The following CDH12 variants were observed in gnomAD, a reference collection of about 807,000 sequenced individuals.
The protein encoded by CDH12 is cadherin-12.
Under a neutral mutation model 74.1 loss-of-function variants are expected in CDH12, and 41 were observed. The observed-to-expected ratio is 0.55, with a 90% CI of 0.43 to 0.72. CDH12 has a LOEUF of 0.72. Ranked by LOEUF, CDH12 falls within the 30% of genes least tolerant of loss-of-function variation. The pLI is 0.00. For missense variants in CDH12, 945 were observed against 977.2 expected, an observed-to-expected ratio of 0.97 and a Z score of 0.44; for synonymous variants, 399 against 355.0, an observed-to-expected ratio of 1.12 and a Z score of -1.39.
chr5:22,086,682 CT>C (rs1188025074), intron 4 of CDH12, among the ~76,000 whole-genome samples: 1 of 149,658 alleles, frequency 6.7e-6, no homozygotes, highest in East Asian at 1.9e-4. Flanking sequence ...ATGAAAATGG[CT>C]GCTACTAGTT....
intron 1 of CDH12, among the ~76,000 whole-genome samples, chr5:22,732,128 A>G (rs900554169): frequency 1.3e-5 from 2 of 151,820 alleles, no homozygotes; most frequent in African/African-American, 2.4e-5. Context: ...TCTGGAGACT[A>G]GAAGTCTGAG....
intron 4 of CDH12, among the ~76,000 whole-genome samples, chr5:22,085,412 T>C (rs1415700585): frequency 2.0e-5 from 3 of 152,190 alleles, no homozygotes; most frequent in African/African-American, 4.8e-5. Context: ...GGACAACTTA[T>C]TAAGCTGAAA....
At chr5:21,849,479 T>C (rs561792021) in intron 7 of CDH12, among the ~76,000 whole-genome samples, 7 of 151,880 alleles carry the variant, frequency 4.6e-5, no homozygotes, top group Admixed American at 6.6e-5. Flanking sequence ...ATATGTGCTG[T>C]TTTATCTTAA....
At position 22,182,035 on chromosome 5, in the gene CDH12, C is replaced by T. The variant is rs536845255; in HGVS notation, c.-187+30463G>A. 2.0e-5 allele frequency among the ~76,000 whole-genome samples: 3 copies of T among 152,182 alleles called. No individual in the cohort carries two copies. The East Asian group carries it at 5.8e-4, about 29-fold the overall frequency. On this transcript the variant is annotated intron_variant, in intron 4 of 14. Transcript: ENST00000382254. ...TTTTCAGTCTGTTTTCTAAGTATAT[C>T]ACTCCCCCACTCCATCTTTAAGCCC...
Position 22,641,125 on chromosome 5 carries a change from C to T in CDH12, c.-522-135761G>A, listed in dbSNP as rs552085636. On this transcript the variant is annotated intron_variant, in intron 1 of 14. Transcript: ENST00000382254. Reference sequence around the variant, plus strand: ...GAGGATATTTAGGGAAATTGACTCACTTGATTATGGAGGCTGAGAAGTCCT... The same window carrying T: ...GAGGATATTTAGGGAAATTGACTCATTTGATTATGGAGGCTGAGAAGTCCT... 3.9e-5 allele frequency among the ~76,000 whole-genome samples: 6 copies of T among 152,212 alleles called. No homozygotes were observed. The East Asian group carries it at 1.2e-3, about 30-fold the overall frequency.
At chr5:22,720,337 C>G (rs757385382) in intron 1 of CDH12, among the ~76,000 whole-genome samples, 3 of 152,278 alleles carry the variant, frequency 2.0e-5, no homozygotes, top group Middle Eastern at 3.4e-3. Flanking sequence ...GAAGAAGACA[C>G]TTGCTTCTCC....
intron 5 of CDH12, among the ~76,000 whole-genome samples, chr5:22,056,115 G>A (rs980962389): frequency 3.9e-5 from 6 of 151,988 alleles, no homozygotes; most frequent in African/African-American, 7.2e-5. Context: ...TATATAAAAT[G>A]AGTAAATGTT....
At chr5:22,404,203 A>AT (rs1056413521) in intron 3 of CDH12, among the ~76,000 whole-genome samples, 3 of 150,934 alleles carry the variant, frequency 2.0e-5, no homozygotes, top group South Asian at 2.1e-4. Context: ...CACACACACA[A>AT]TTTTTTTTTG....
intron 3 of CDH12, among the ~76,000 whole-genome samples, chr5:22,253,005 A>G (rs1242212946): frequency 6.6e-6 from 1 of 151,992 alleles, no homozygotes. Flanking sequence ...TCCATTTGTT[A>G]TCTCTTGTGA....
At chr5:22,076,062 G>T (rs894604352) in intron 5 of CDH12, among the ~76,000 whole-genome samples, 4 of 152,032 alleles carry the variant, frequency 2.6e-5, no homozygotes, top group Non-Finnish European at 5.9e-5. Flanking sequence ...TGATGGAAAA[G>T]AAACCTTGGC....
intron 3 of CDH12, among the ~76,000 whole-genome samples, chr5:22,229,705 C>T (rs952143153): frequency 9.2e-5 from 14 of 152,014 alleles, no homozygotes; most frequent in African/African-American, 3.4e-4. Context: ...TGATTTACCT[C>T]AAATTTCATG....
chr5:22,488,951 A>G (rs1746724952), intron 2 of CDH12, among the ~76,000 whole-genome samples: 1 of 150,638 alleles, frequency 6.6e-6, no homozygotes, highest in Non-Finnish European at 1.5e-5. Flanking sequence ...CTATGCTTGC[A>G]TGTCTTAAAT....
chr5:22,483,369 C>A (rs1207218358), intron 2 of CDH12, among the ~76,000 whole-genome samples: 1 of 151,868 alleles, frequency 6.6e-6, no homozygotes, highest in South Asian at 2.1e-4. Context: ...TTATTGAATA[C>A]CTACACTATG....
rs193180850 is a variant in CDH12, at chr5:22,310,199, G to A, written c.-333+95058C>T. On this transcript the variant is annotated intron_variant, in intron 3 of 14. Transcript: ENST00000382254. ...CAACAGGCCAAGCGCGGTGGTTCACGCCTGTATTCCCTGCACTTTGGGAGG... is the reference window on the plus strand; with the variant it reads ...CAACAGGCCAAGCGCGGTGGTTCACACCTGTATTCCCTGCACTTTGGGAGG... 5.3e-4 allele frequency among the ~76,000 whole-genome samples: 81 copies of A among 152,102 alleles called. 1 individual carries two copies. The highest frequency in any genetic ancestry group is 1.9e-3 in the African/African-American group (79 of 41,500).
chr5:21,867,596 G>A (rs1173222682), intron 6 of CDH12, among the ~76,000 whole-genome samples: 1 of 152,142 alleles, frequency 6.6e-6, no homozygotes, highest in African/African-American at 2.4e-5. Flanking sequence ...ACTTGCTTGG[G>A]GCCTGTAGCC....
chr5:21,916,697 G>A (rs141108367), intron 6 of CDH12, among the ~76,000 whole-genome samples: 1,808 of 152,110 alleles, frequency 0.012, 23 homozygotes, highest in Non-Finnish European at 0.017. Context: ...GTGGATTGAA[G>A]AAAAAAGGCC....
chr5:21,932,401 A>G (rs1411402259), intron 6 of CDH12, among the ~76,000 whole-genome samples: 1 of 152,228 alleles, frequency 6.6e-6, no homozygotes, highest in Admixed American at 6.5e-5. Context: ...AACATAAATC[A>G]TTGTGATTAA....
chr5:22,819,988 C>T (rs187951914), intron 1 of CDH12, among the ~76,000 whole-genome samples: 3 of 142,586 alleles, frequency 2.1e-5, no homozygotes, highest in East Asian at 4.0e-4. Context: ...CATATATATA[C>T]ATATACATAT....
intron 1 of CDH12, among the ~76,000 whole-genome samples, chr5:22,838,825 C>T (rs993839466): frequency 1.3e-5 from 2 of 151,934 alleles, no homozygotes; most frequent in African/African-American, 2.4e-5. Flanking sequence ...ACTACAGGCA[C>T]ACGCCACAAT....
Sources: allele counts gnomAD v4.1 joint callset (sites outside exome capture counted in the v4.1 genomes callset), GRCh38; gene constraint gnomAD v4.1.1; transcripts MANE v1.5; gene names NCBI Gene and HGNC (gene_info 2026-07-23, HGNC 2026-07-21).